Variants in PIGU observed in about 807,000 individuals in gnomAD.
PIGU encodes the protein GPI-anchor transamidase component PIGU.
PIGU carries 24 observed loss-of-function variants against 49.9 expected under a neutral mutation model. The ratio of observed to expected loss-of-function variants is 0.48; its 90% confidence interval spans 0.35 to 0.68. The LOEUF is 0.68. PIGU is among the 30% of genes least tolerant of loss of function. PIGU has a pLI of 0.01. For synonymous variants in PIGU, 220 were observed against 205.7 expected (o/e 1.07, Z -0.59); for missense variants, 490 against 532.6 (o/e 0.92, Z 0.79).
At chr20:34,637,615 G>C (rs1986008235) in intron 5 of PIGU, among the ~76,000 whole-genome samples, 1 of 152,214 alleles carries the variant, frequency 6.6e-6, no homozygotes, top group Non-Finnish European at 1.5e-5. Context: ...CTGGAACCCA[G>C]ATCAGCATGG....
intron 5 of PIGU, among the ~76,000 whole-genome samples, chr20:34,634,940 T>C (rs952713836): frequency 1.3e-5 from 2 of 152,216 alleles, no homozygotes; most frequent in African/African-American, 4.8e-5. Flanking sequence ...TATGGAAAAC[T>C]GTTGTATTTA....
At chr20:34,562,743 C>T (rs1309940356) in intron 11 of PIGU, among the ~76,000 whole-genome samples, 1 of 152,260 alleles carries the variant, frequency 6.6e-6, no homozygotes, top group Non-Finnish European at 1.5e-5. Flanking sequence ...GTCAGCAAAG[C>T]AGACAGAGCT....
At chr20:34,563,626 G>C (rs1982623256) in intron 11 of PIGU, among the ~76,000 whole-genome samples, 1 of 148,582 alleles carries the variant, frequency 6.7e-6, no homozygotes, top group South Asian at 2.1e-4. Context: ...TACATCAATG[G>C]GGGGGGGGAG....
intron 11 of PIGU, among the ~76,000 whole-genome samples, chr20:34,574,146 G>A (rs1340203924): frequency 6.6e-6 from 1 of 152,344 alleles, no homozygotes; most frequent in Non-Finnish European, 1.5e-5. Flanking sequence ...CTTCCACTAC[G>A]AGGCCAGAGC....
At chr20:34,672,075 A>G (rs1187540036) in intron 1 of PIGU, among the ~76,000 whole-genome samples, 1 of 151,998 alleles carries the variant, frequency 6.6e-6, no homozygotes, top group African/African-American at 2.4e-5. Context: ...AGTAGCTGAG[A>G]CTACAGGTAT....
chr20:34,620,809 CA>C (rs71194628), intron 6 of PIGU, among the ~76,000 whole-genome samples: 4 of 127,812 alleles, frequency 3.1e-5, no homozygotes, highest in African/African-American at 3.2e-5. Context: ...TAAAAAAAAA[CA>C]AAAAAAAAAC....
chr20:34,654,026 T>C (rs1180108312), intron 2 of PIGU, among the ~76,000 whole-genome samples: 2 of 145,852 alleles, frequency 1.4e-5, no homozygotes, highest in East Asian at 2.1e-4. Context: ...CCTTGCTAAT[T>C]TTTTGTATTT....
intron 1 of PIGU, among the ~76,000 whole-genome samples, chr20:34,671,124 C>T (rs1014494995): frequency 6.6e-6 from 1 of 152,182 alleles, no homozygotes; most frequent in Non-Finnish European, 1.5e-5. Flanking sequence ...CTCTCCATGC[C>T]TCAATTTTCT....
In PIGU at chr20:34,644,243, A is replaced by G. The variant is rs1208330016; in HGVS notation, c.256-17T>C. The G allele has an allele frequency of 1.3e-6, 2 of 1,579,638 alleles. No individual in the cohort carries two copies. Among genetic ancestry groups the G allele is most frequent in the Non-Finnish European group, 1.7e-6 (2 of 1,149,330 alleles). ...ATCAGTTATCTGTCAAAAGAAAGAG[A>G]AATAATAGGAAATGGAACACAGTAA... On this transcript the variant is annotated splice_polypyrimidine_tract_variant and intron_variant, in intron 3 of 11. Coordinates refer to ENST00000217446, the MANE Select transcript of PIGU (RefSeq NM_080476.5).
chr20:34,588,278 G>C (rs1983783818), intron 8 of PIGU, among the ~76,000 whole-genome samples, 175 bp downstream of exon 8: 1 of 152,048 alleles, frequency 6.6e-6, no homozygotes, highest in Non-Finnish European at 1.5e-5. Flanking sequence ...AATCCTTTAA[G>C]TAAGTAGCCG....
intron 7 of PIGU, among the ~76,000 whole-genome samples, chr20:34,612,186 G>C (rs1187603906): frequency 1.3e-5 from 2 of 151,972 alleles, no homozygotes; most frequent in African/African-American, 4.8e-5. Flanking sequence ...CATAAAAAAG[G>C]AGTTCACGTC....
chr20:34,597,880 C>A (rs1984261094), intron 7 of PIGU, among the ~76,000 whole-genome samples: 1 of 152,104 alleles, frequency 6.6e-6, no homozygotes, highest in South Asian at 2.1e-4. Flanking sequence ...TGTGGTAACA[C>A]TTTCAAGAAA....
chr20:34,572,125 C>T (rs536745364), intron 11 of PIGU, among the ~76,000 whole-genome samples: 27 of 152,322 alleles, frequency 1.8e-4, no homozygotes, highest in Middle Eastern at 3.4e-3. Flanking sequence ...AAAACTCCAG[C>T]ATGTGTGTAC....
chr20:34,566,971 T>C (rs1456482342), intron 11 of PIGU, among the ~76,000 whole-genome samples: 1 of 152,230 alleles, frequency 6.6e-6, no homozygotes, highest in Non-Finnish European at 1.5e-5. Flanking sequence ...GTCTTGAAAC[T>C]ACTGGGCTCA....
chr20:34,619,468 A>G (rs1985126717), intron 6 of PIGU, among the ~76,000 whole-genome samples: 1 of 152,186 alleles, frequency 6.6e-6, no homozygotes, highest in Admixed American at 6.5e-5. Flanking sequence ...AACACTGAAA[A>G]TAACTTTTTA....
At chr20:34,563,992 C>T (rs1982640163) in intron 11 of PIGU, among the ~76,000 whole-genome samples, 2 of 152,158 alleles carry the variant, frequency 1.3e-5, no homozygotes, top group African/African-American at 4.8e-5. Flanking sequence ...AACTGGGGGA[C>T]AAACCTAAAT....
intron 7 of PIGU, among the ~76,000 whole-genome samples, chr20:34,606,208 T>C (rs926609649): frequency 1.4e-4 from 21 of 148,174 alleles, no homozygotes; most frequent in Admixed American, 7.0e-4. Context: ...TGAGCCGAGA[T>C]TGCACCACTG....
intron 4 of PIGU, among the ~76,000 whole-genome samples, chr20:34,639,702 C>T (rs888895000): frequency 5.3e-5 from 8 of 152,136 alleles, no homozygotes; most frequent in Non-Finnish European, 1.0e-4. Context: ...TAAACTTGCA[C>T]AGGTTTAGGT....
chr20:34,623,715 C>T (rs1266726407), intron 6 of PIGU, among the ~76,000 whole-genome samples: 1 of 152,168 alleles, frequency 6.6e-6, no homozygotes, highest in Non-Finnish European at 1.5e-5. Context: ...AGGAAGCACG[C>T]TAAGCATTTT....
Sources: gnomAD v4.1 joint callset for allele counts (sites outside exome capture counted in the v4.1 genomes callset) on GRCh38, gnomAD v4.1.1 for gene constraint, MANE v1.5 for transcripts, NCBI Gene and HGNC (gene_info 2026-07-23, HGNC 2026-07-21) for gene names.